Variants in MACROD2 observed in about 807,000 individuals in gnomAD.
MACROD2 encodes the protein mono-ADP ribosylhydrolase 2.
Under a neutral mutation model 70.4 loss-of-function variants are expected in MACROD2, and 36 were observed. The observed-to-expected ratio is 0.51, with a 90% confidence interval of 0.39 to 0.68. The LOEUF (loss-of-function observed/expected upper bound fraction) is 0.68, where lower values mean the gene tolerates loss of function less well. MACROD2 is among the 30% of genes least tolerant of loss of function. MACROD2 has a pLI of 0.00. For synonymous variants in MACROD2, 172 were observed against 178.8 expected, an observed-to-expected ratio of 0.96 and a Z score of 0.30; for missense variants, 496 against 538.4, an observed-to-expected ratio of 0.92 and a Z score of 0.78.
At chr20:15,574,207 T>A (rs2048414041) in intron 8 of MACROD2, among the ~76,000 whole-genome samples, 1 of 151,786 alleles carries the variant, frequency 6.6e-6, no homozygotes, top group South Asian at 2.1e-4. Flanking sequence ...ACTTGGCATG[T>A]CATAATGATT....
intron 15 of MACROD2, among the ~76,000 whole-genome samples, chr20:16,038,789 T>C (rs1364665674): frequency 6.6e-5 from 10 of 152,036 alleles, no homozygotes; most frequent in Admixed American, 6.6e-4. Context: ...TTCTGGACAC[T>C]GTTTGAAAAA....
intron 8 of MACROD2, among the ~76,000 whole-genome samples, chr20:15,844,764 G>C (rs565085623): frequency 6.6e-6 from 1 of 151,916 alleles, no homozygotes; most frequent in African/African-American, 2.4e-5. Flanking sequence ...ATTGAGTGTC[G>C]GCTCTATATT....
At chr20:14,509,480 G>T (rs1164059619) in intron 4 of MACROD2, among the ~76,000 whole-genome samples, 10 of 151,994 alleles carry the variant, frequency 6.6e-5, no homozygotes, top group African/African-American at 2.4e-4. Context: ...TTCCATAAAA[G>T]AATAAGTATA....
rs189109142 is a variant in MACROD2 at position 15,924,265 on chromosome 20, G to T, written c.776-9011G>T. Reference sequence around the variant, plus strand: ...TAATATGGGGCTGCCCACAACCTCAGATATATGTGTATTGAATTATACCTT... The same window carrying T: ...TAATATGGGGCTGCCCACAACCTCATATATATGTGTATTGAATTATACCTT... On this transcript the variant is annotated intron_variant, in intron 10 of 17. Coordinates refer to ENST00000684519, the MANE Select transcript of MACROD2 (RefSeq NM_001351661.2). Among the ~76,000 whole-genome samples the T allele has an allele frequency of 8.5e-5, 13 of 152,302 alleles. No individual in the cohort carries two copies. In the East Asian group the frequency reaches 2.5e-3, roughly 29 times the overall value.
At chr20:15,030,666 C>CAGAT (rs60260667) in intron 5 of MACROD2, among the ~76,000 whole-genome samples, 17,230 of 151,824 alleles carry the variant, frequency 0.11, 2,618 homozygotes, top group African/African-American at 0.35. Context: ...GATAGATAGA[C>CAGAT]AGATAGATAG....
chr20:15,685,231 CTCTAAA>C (rs2050211053), intron 8 of MACROD2, among the ~76,000 whole-genome samples: 1 of 152,114 alleles, frequency 6.6e-6, no homozygotes, highest in Non-Finnish European at 1.5e-5. Flanking sequence ...AGTTAAGAAA[CTCTAAA>C]TCTATACCAC....
intron 5 of MACROD2, among the ~76,000 whole-genome samples, chr20:14,857,481 T>C (rs1331499054): frequency 6.6e-6 from 1 of 152,178 alleles, no homozygotes; most frequent in African/African-American, 2.4e-5. Context: ...TCCCAAGCCC[T>C]GTTTCTTTTA....
At chr20:14,261,949 T>G (rs1374500862) in intron 3 of MACROD2, among the ~76,000 whole-genome samples, 3 of 152,128 alleles carry the variant, frequency 2.0e-5, no homozygotes, top group African/African-American at 7.2e-5. Context: ...TGACCATCTC[T>G]TAGACCATAG....
At chr20:14,695,721 G>A (rs1475612971) in intron 5 of MACROD2, among the ~76,000 whole-genome samples, 1 of 152,224 alleles carries the variant, frequency 6.6e-6, no homozygotes, top group Non-Finnish European at 1.5e-5. Flanking sequence ...AGCCACATCA[G>A]TGAGCTTGGG....
At chr20:15,327,951 T>A (rs1404084568) in intron 6 of MACROD2, among the ~76,000 whole-genome samples, 2 of 152,104 alleles carry the variant, frequency 1.3e-5, no homozygotes, top group Non-Finnish European at 2.9e-5. Context: ...ACTATCCTTG[T>A]GGAGTTTACA....
chr20:14,254,816 T>C (rs1309318330), intron 3 of MACROD2, among the ~76,000 whole-genome samples: 1 of 152,142 alleles, frequency 6.6e-6, no homozygotes, highest in Non-Finnish European at 1.5e-5. Context: ...GCTCGTTAGT[T>C]GATGCAGTTT....
intron 5 of MACROD2, among the ~76,000 whole-genome samples, chr20:14,713,868 CT>C (rs1917802842): frequency 1.3e-5 from 2 of 152,156 alleles, no homozygotes; most frequent in Non-Finnish European, 2.9e-5. Flanking sequence ...TGTAATTGGA[CT>C]TCAGTGGCCT....
At chr20:15,830,329 A>C (rs1345235369) in intron 8 of MACROD2, among the ~76,000 whole-genome samples, 1 of 152,206 alleles carries the variant, frequency 6.6e-6, no homozygotes, top group Non-Finnish European at 1.5e-5. Context: ...AAACCTTTTA[A>C]ATCTCTCTGA....
At chr20:14,301,998 T>C (rs1388574976) in intron 3 of MACROD2, among the ~76,000 whole-genome samples, 1 of 152,240 alleles carries the variant, frequency 6.6e-6, no homozygotes, top group African/African-American at 2.4e-5. Flanking sequence ...TTAGGATAGA[T>C]AGAACTATGT....
intron 4 of MACROD2, among the ~76,000 whole-genome samples, chr20:14,513,020 A>G (rs996151896): frequency 1.3e-5 from 2 of 152,100 alleles, no homozygotes; most frequent in Admixed American, 1.3e-4. Flanking sequence ...AAGCCATTCA[A>G]ACTTTCAGGG....
chr20:14,500,961 A>T (rs1209376474), intron 4 of MACROD2, among the ~76,000 whole-genome samples: 2 of 152,056 alleles, frequency 1.3e-5, no homozygotes, highest in Non-Finnish European at 2.9e-5. Context: ...CGGATTCTCA[A>T]CATGTTTATA....
intron 6 of MACROD2, among the ~76,000 whole-genome samples, chr20:15,271,582 C>A (rs116274137): frequency 2.9e-4 from 44 of 152,272 alleles, no homozygotes; most frequent in African/African-American, 9.9e-4. Context: ...AGCAATTATA[C>A]GTATAATGTG....
At chr20:14,372,236 G>GA (rs1370077040) in intron 3 of MACROD2, among the ~76,000 whole-genome samples, 2 of 151,964 alleles carry the variant, frequency 1.3e-5, no homozygotes, top group South Asian at 4.2e-4. Context: ...AATTTTACTA[G>GA]AAAAAACATT....
At chr20:14,995,796 A>G (rs900432232) in intron 5 of MACROD2, among the ~76,000 whole-genome samples, 1 of 152,180 alleles carries the variant, frequency 6.6e-6, no homozygotes, top group Admixed American at 6.5e-5. Flanking sequence ...AATATTACGT[A>G]TCGAAACCTA....
Sources: gnomAD v4.1 joint callset for allele counts (sites outside exome capture counted in the v4.1 genomes callset) on GRCh38, gnomAD v4.1.1 for gene constraint, MANE v1.5 for transcripts, NCBI Gene and HGNC (gene_info 2026-07-23, HGNC 2026-07-21) for gene names.